The following ACVR2B variants were observed in gnomAD, a reference collection of about 807,000 sequenced individuals.
ACVR2B encodes activin A receptor type 2B, also known as activin receptor type-2B.
A neutral mutation model predicts 65.1 loss-of-function variants in ACVR2B; 18 were observed. That is an observed-to-expected ratio of 0.28 (90% CI 0.19 to 0.41). ACVR2B has a LOEUF of 0.41. ACVR2B is among the 10% of genes least tolerant of loss of function. The pLI is 1.00. For synonymous variants in ACVR2B, 298 were observed against 277.7 expected, an observed-to-expected ratio of 1.07 and a Z score of -0.73; for missense variants, 482 against 682.7, an observed-to-expected ratio of 0.71 and a Z score of 3.28.
chr3:38,476,943 C>G (rs1709920256), intron 1 of ACVR2B: 2 of 411,412 alleles, frequency 4.9e-6, no homozygotes, highest in South Asian at 3.0e-5. Context: ...GCAGGAGCCT[C>G]AGGTGTTGGT....
intron 1 of ACVR2B, among the ~76,000 whole-genome samples, chr3:38,471,238 T>TAGAAAAATGAGAAA (rs1709812420): frequency 6.6e-6 from 1 of 152,048 alleles, no homozygotes; most frequent in Admixed American, 6.5e-5. Context: ...AGTAATCCAG[T>TAGAAAAATGAGAAA]AGAAAAATGA....
chr3:38,478,344 C>G, intron 4 of ACVR2B, 31 bp from the exon 5 acceptor site: 1 of 1,613,980 alleles, frequency 6.2e-7, no homozygotes, highest in African/African-American at 1.3e-5. Flanking sequence ...GGAGGACAGG[C>G]CAGACCTTTT....
At chr3:38,473,123 C>T (rs1166934813) in intron 1 of ACVR2B, among the ~76,000 whole-genome samples, 1 of 152,168 alleles carries the variant, frequency 6.6e-6, no homozygotes, top group African/African-American at 2.4e-5. Flanking sequence ...TGGGTACTTT[C>T]TCTCTACTGG....
intron 1 of ACVR2B, among the ~76,000 whole-genome samples, chr3:38,470,057 G>T (rs1261373427): frequency 6.6e-6 from 1 of 152,202 alleles, no homozygotes; most frequent in African/African-American, 2.4e-5. Flanking sequence ...ACCTGTAATG[G>T]TGTTTAGACA....
chr3:38,469,342 T>C (rs1709782953), intron 1 of ACVR2B, among the ~76,000 whole-genome samples: 1 of 152,132 alleles, frequency 6.6e-6, no homozygotes, highest in African/African-American at 2.4e-5. Flanking sequence ...AATTTAGAGA[T>C]GTGGGTTTAA....
rs559626026 is a variant in ACVR2B, at chr3:38,483,672, CTTTG to C, written c.*346_*349del. On this transcript the variant is annotated 3_prime_UTR_variant, in exon 11 of 11. Coordinates refer to ENST00000352511, the MANE Select transcript of ACVR2B (RefSeq NM_001106.4). The surrounding 1 kb of genome is among the most constrained non-coding windows in gnomAD (Gnocchi z 4.8). Reference sequence around the variant, plus strand: ...TTGGGATTCGTTTTTCCCGCTTTCTCTTTGTTTGTCGTCTCAGAATCTGTGACAC... The same window carrying C: ...TTGGGATTCGTTTTTCCCGCTTTCTCTTTGTCGTCTCAGAATCTGTGACAC... 1,146 of 156,948 alleles carry C rather than the reference CTTTG, an allele frequency of 7.3e-3. 7 individuals are homozygous for C. The highest frequency in any genetic ancestry group is 9.1e-3 in the Non-Finnish European group (655 of 71,766). 9.7% of individuals were successfully genotyped at this position (156,948 alleles called of 1,614,324 possible). A position where few individuals can be genotyped will look rare whatever the true frequency, so the allele number is the denominator to read the frequency against.
intron 4 of ACVR2B, 37 bp from the exon 5 acceptor site, chr3:38,478,338 G>A: frequency 6.2e-7 from 1 of 1,614,048 alleles, no homozygotes; most frequent in Non-Finnish European, 8.5e-7. Flanking sequence ...AGGTGGGGAG[G>A]ACAGGCCAGA....
At chr3:38,482,627 G>C in intron 10 of ACVR2B, 67 bp downstream of exon 10, 1 of 1,579,320 alleles carries the variant, frequency 6.3e-7, no homozygotes, top group Non-Finnish European at 8.6e-7. Context: ...TGTGTAGCAG[G>C]TAAGCTGAAA....
At position 38,482,293 on chromosome 3, in the gene ACVR2B, G is replaced by T; in HGVS notation, c.1170G>T (p.Gly390=). 1 of 1,612,874 alleles carries T rather than the reference G, an allele frequency of 6.2e-7. No individual in the cohort carries two copies. The highest frequency in any genetic ancestry group is 8.5e-7 in the Non-Finnish European group (1 of 1,179,836). Residue 390 remains glycine (G), a synonymous_variant, in exon 9 of 11, where the codon GGG becomes GGT. Coordinates refer to ENST00000352511, the MANE Select transcript of ACVR2B (RefSeq NM_001106.4). ...AFLRIDMYAM[G]LVLWELVSRC... ...TGCGCATTGACATGTATGCCATGGG[G>T]TTGGTGCTGTGGGAGCTTGTGTCTC...
rs191514360 is a variant in ACVR2B at position 38,465,405 on chromosome 3, A to G, written c.52+11031A>G. ...AGAATGAGATTCCATCTCAAAAAAAAAAAAAAAAAAAAATAGCAGTGTTCA... is the reference window on the plus strand; with the variant it reads ...AGAATGAGATTCCATCTCAAAAAAAGAAAAAAAAAAAAATAGCAGTGTTCA... On this transcript the variant is annotated intron_variant, in intron 1 of 10. Coordinates refer to ENST00000352511, the MANE Select transcript of ACVR2B (RefSeq NM_001106.4). Among the ~76,000 whole-genome samples, 92 of 151,938 alleles carry G rather than the reference A, an allele frequency of 6.1e-4. No homozygotes were observed. The East Asian group carries it at 0.016, about 27-fold the overall frequency.
chr3:38,466,404 A>G (rs1244619026), intron 1 of ACVR2B, among the ~76,000 whole-genome samples: 1 of 152,214 alleles, frequency 6.6e-6, no homozygotes. Context: ...TGGATTTGTT[A>G]ATTACCCTGA....
At chr3:38,463,441 A>G (rs999097380) in intron 1 of ACVR2B, among the ~76,000 whole-genome samples, 16 of 152,212 alleles carry the variant, frequency 1.1e-4, no homozygotes, top group African/African-American at 3.6e-4. Flanking sequence ...TTTTCATGAC[A>G]GAAGGAGCTC....
In ACVR2B at chr3:38,479,352, C is replaced by G. The variant is rs1347140900; in HGVS notation, c.810+81C>G. On this transcript the variant is annotated intron_variant, in intron 6 of 10. Transcript: ENST00000352511. ...GCTCTCCATAATATGATGACCCCTT[C>G]CCTGTGGAGGTGTCCACCATGAAGT... 6 of 1,599,522 alleles carry G rather than the reference C, an allele frequency of 3.8e-6. No homozygotes were observed. In the African/African-American group the frequency reaches 6.7e-5, roughly 18 times the overall value.
rs2059811180 is a variant in ACVR2B at position 38,491,592 on chromosome 3, G to A, written c.*8260G>A. ...AAATTTTACCAACAATGACAGAGAT[G>A]AGAGTAGAAAAGATTAGGCAACATC... On this transcript the variant is annotated 3_prime_UTR_variant, in exon 11 of 11. Transcript: ENST00000352511. 1.3e-5 allele frequency: 2 copies of A among 152,366 alleles called. No homozygotes were observed. The highest frequency in any genetic ancestry group is 1.9e-4 in the East Asian group (1 of 5,204). 9.4% of individuals were successfully genotyped at this position (152,366 alleles called of 1,614,324 possible).
intron 1 of ACVR2B, among the ~76,000 whole-genome samples, chr3:38,463,334 C>G (rs1037381210): frequency 6.6e-6 from 1 of 152,210 alleles, no homozygotes; most frequent in African/African-American, 2.4e-5. Context: ...TTGACAAAAT[C>G]TGAGTGTGAC....
At chr3:38,456,157 A>G (rs999925921) in intron 1 of ACVR2B, among the ~76,000 whole-genome samples, 4 of 152,242 alleles carry the variant, frequency 2.6e-5, no homozygotes, top group Admixed American at 6.5e-5. Flanking sequence ...GGGGGCAGTC[A>G]GAGTCACACT....
chr3:38,477,762 C>G lies in ACVR2B; in HGVS notation c.261-99C>G. ...TTCACACCGTCCCCCTGGTGTTGCC[C>G]ATGAGGTGCTCTGTCTGTGAGGAGG... On this transcript the variant is annotated intron_variant, in intron 2 of 10. Transcript: ENST00000352511. This position sits in a 1 kb window ranked among gnomAD's most constrained non-coding sequence, Gnocchi z 6.7. 7.8e-7 allele frequency: 1 copy of G among 1,276,084 alleles called. No individual in the cohort carries two copies. 79.0% of individuals were successfully genotyped at this position (1,276,084 alleles called of 1,614,324 possible).
intron 1 of ACVR2B, among the ~76,000 whole-genome samples, chr3:38,462,194 AAAAT>A (rs749787345): frequency 6.8e-4 from 104 of 151,996 alleles, no homozygotes; most frequent in African/African-American, 1.3e-3. Context: ...ACTCCATCTC[AAAAT>A]AAATAAATAA....
intron 1 of ACVR2B, chr3:38,474,045 C>T (rs1019210099): frequency 1.3e-5 from 2 of 152,328 alleles, no homozygotes. Flanking sequence ...CCATGCCTGG[C>T]TCATTTTTGT....
Sources: gnomAD v4.1 joint callset for allele counts (sites outside exome capture counted in the v4.1 genomes callset) on GRCh38, gnomAD v4.1.1 for gene constraint, Gnocchi (gnomAD v3.1) non-coding constraint, MANE v1.5 for transcripts, NCBI Gene and HGNC (gene_info 2026-07-23, HGNC 2026-07-21) for gene names.